Variants in MTPN observed in about 807,000 individuals in gnomAD.
MTPN encodes the protein myotrophin, also known as granule cell differentiation protein.
MTPN carries 2 observed loss-of-function variants against 13.5 expected under a neutral mutation model. That is an observed-to-expected ratio of 0.15 (90% confidence interval 0.06 to 0.47). The LOEUF (loss-of-function observed/expected upper bound fraction) is 0.47, where lower values mean the gene tolerates loss of function less well. Among genes scored for constraint, MTPN ranks in the 20% least tolerant of loss-of-function variants. The probability of loss-of-function intolerance (pLI) is 0.97; values close to 1 mark genes in which losing one functional copy is unlikely to be tolerated. For synonymous variants in MTPN, 46 were observed against 51.7 expected (o/e 0.89, Z 0.48); for missense variants, 79 against 137.9 (o/e 0.57, Z 2.14).
intron 3 of MTPN, among the ~76,000 whole-genome samples, chr7:135,942,225 T>C (rs1376744313): frequency 6.6e-6 from 1 of 152,048 alleles, no homozygotes; most frequent in Non-Finnish European, 1.5e-5. Context: ...CATCCTAAGT[T>C]TCAGACAAAA....
intron 1 of MTPN, among the ~76,000 whole-genome samples, chr7:135,961,630 G>C (rs368938982): frequency 6.6e-6 from 1 of 151,822 alleles, no homozygotes; most frequent in African/African-American, 2.4e-5. Flanking sequence ...TGGGATTACA[G>C]GTTCAATGTG....
intron 1 of MTPN, among the ~76,000 whole-genome samples, chr7:135,970,835 A>G (rs974506493): frequency 6.6e-6 from 1 of 152,148 alleles, no homozygotes; most frequent in Non-Finnish European, 1.5e-5. Flanking sequence ...TACTGAGGGC[A>G]CCTGTATCTT....
intron 1 of MTPN, among the ~76,000 whole-genome samples, chr7:135,968,935 G>A (rs1344104556): frequency 6.6e-6 from 1 of 151,754 alleles, no homozygotes; most frequent in Non-Finnish European, 1.5e-5. Context: ...GATAGAAAAA[G>A]AGCAAGAAAT....
intron 1 of MTPN, among the ~76,000 whole-genome samples, chr7:135,959,747 T>C (rs1799494765): frequency 6.6e-6 from 1 of 152,080 alleles, no homozygotes; most frequent in African/African-American, 2.4e-5. Context: ...TTATTTGCTT[T>C]TTTAACAGTA....
At chr7:135,957,102 T>C (rs1322073237) in intron 1 of MTPN, among the ~76,000 whole-genome samples, 1 of 152,224 alleles carries the variant, frequency 6.6e-6, no homozygotes, top group Non-Finnish European at 1.5e-5. Context: ...CTAGATTGTA[T>C]TATATTAAAA....
chr7:135,974,835 GAAACTGT>G (rs1346054691), intron 1 of MTPN, among the ~76,000 whole-genome samples: 28 of 152,310 alleles, frequency 1.8e-4, no homozygotes, highest in African/African-American at 6.7e-4. Context: ...TGGGGCAGAA[GAAACTGT>G]AATAAGGACC....
At chr7:135,942,476 A>C (rs746334858) in intron 3 of MTPN, among the ~76,000 whole-genome samples, 21 of 152,186 alleles carry the variant, frequency 1.4e-4, no homozygotes, top group Non-Finnish European at 2.9e-5. Context: ...CAGGCTCTAG[A>C]GCAAAATTGA....
intron 3 of MTPN, among the ~76,000 whole-genome samples, chr7:135,933,356 A>G (rs1799057169): frequency 6.6e-6 from 1 of 152,052 alleles, no homozygotes; most frequent in South Asian, 2.1e-4. Context: ...TATACTTAAA[A>G]TATTTTGTTC....
intron 3 of MTPN, among the ~76,000 whole-genome samples, chr7:135,931,196 G>C (rs903717136): frequency 1.3e-5 from 2 of 152,048 alleles, no homozygotes; most frequent in Non-Finnish European, 2.9e-5. Context: ...ACTGTGTAAA[G>C]GACTGGAGAA....
At position 135,950,639 on chromosome 7, in the gene MTPN, T is replaced by C; in HGVS notation, c.230A>G (p.Tyr77Cys). Residue 77 changes from tyrosine (Y) to cysteine (C), a missense_variant, in exon 3 of 4, where the codon TAT (tyrosine) becomes TGT (cysteine). Physicochemically the swap from Tyr to Cys is radical, Grantham distance 194. Coordinates refer to ENST00000393085, the MANE Select transcript of MTPN (RefSeq NM_145808.4). The part of the protein sequence containing the change: ...HHITPLLSAV[Y>C]EGHVSCVKLL... ...TTTCACACAGGAAACATGACCCTCA[T>C]AGACAGCAGACAGAAGAGGAGTAAT... 1.9e-6 allele frequency: 3 copies of C among 1,613,400 alleles called. No individual in the cohort carries two copies. The highest frequency in any genetic ancestry group is 2.5e-6 in the Non-Finnish European group (3 of 1,179,470).
intron 1 of MTPN, among the ~76,000 whole-genome samples, chr7:135,965,345 AAGT>A (rs1799589211): frequency 6.6e-6 from 1 of 152,128 alleles, no homozygotes; most frequent in African/African-American, 2.4e-5. Context: ...CAAGGTTAGT[AAGT>A]AGACAGGGCT....
chr7:135,972,231 G>GCACACACACACACACACACA (rs67168370), intron 1 of MTPN, among the ~76,000 whole-genome samples: 1 of 124,698 alleles, frequency 8.0e-6, no homozygotes, highest in South Asian at 2.5e-4. Flanking sequence ...GCACGCGCGC[G>GCACACACACACACACACACA]CACACACACA....
Position 135,927,030 on chromosome 7 carries a change from A to C in MTPN, c.*2896T>G. 3.4e-6 allele frequency: 1 copy of C among 290,584 alleles called. No individual in the cohort carries two copies. Among genetic ancestry groups the C allele is most frequent in the Non-Finnish European group, 6.3e-6 (1 of 158,070 alleles). The allele number at this position is 290,584 out of a possible 1,614,324, so 18.0% of individuals were successfully genotyped here. A position where few individuals can be genotyped will look rare whatever the true frequency, so the allele number is the denominator to read the frequency against. On this transcript the variant is annotated 3_prime_UTR_variant, in exon 4 of 4. Transcript: ENST00000393085. ...ATTTTTTATATTTTGCATGCAAAAC[A>C]CTGCAATTGCTTATTTATGTAGGAG...
intron 1 of MTPN, among the ~76,000 whole-genome samples, chr7:135,952,932 C>T (rs750981535): frequency 4.6e-5 from 7 of 152,174 alleles, no homozygotes; most frequent in Non-Finnish European, 7.4e-5. Flanking sequence ...ACACTCCAGC[C>T]TGGGTGACAG....
chr7:135,933,049 C>T (rs778918508), intron 3 of MTPN, among the ~76,000 whole-genome samples: 3 of 134,534 alleles, frequency 2.2e-5, no homozygotes, highest in Non-Finnish European at 3.0e-5. Flanking sequence ...GAGATGAGAT[C>T]GTGATGCTGC....
intron 1 of MTPN, among the ~76,000 whole-genome samples, chr7:135,963,564 G>A (rs976381415): frequency 6.6e-6 from 1 of 151,794 alleles, no homozygotes; most frequent in African/African-American, 2.4e-5. Flanking sequence ...AAAGAAAGAA[G>A]GTCTGTAAGG....
rs1798938131 is a variant in MTPN at position 135,927,452 on chromosome 7, C to T, written c.*2474G>A. ...TGCATATGAAATGACTGATTTAATA[C>T]AAAACTACAGAACATGCAAAATTTT... On this transcript the variant is annotated 3_prime_UTR_variant, in exon 4 of 4. Transcript: ENST00000393085. 2 of 1,528,884 alleles carry T rather than the reference C, an allele frequency of 1.3e-6. No individual in the cohort carries two copies. Among genetic ancestry groups the T allele is most frequent in the Non-Finnish European group, 1.8e-6 (2 of 1,136,510 alleles). 94.7% of individuals were successfully genotyped at this position (1,528,884 alleles called of 1,614,324 possible). A position where few individuals can be genotyped will look rare whatever the true frequency, so the allele number is the denominator to read the frequency against.
intron 1 of MTPN, among the ~76,000 whole-genome samples, chr7:135,969,667 T>A (rs1256989580): frequency 5.3e-5 from 8 of 151,874 alleles, no homozygotes; most frequent in Non-Finnish European, 1.0e-4. Context: ...GTAAACAGGA[T>A]ACAAAATCCA....
chr7:135,942,244 C>A (rs1245937452), intron 3 of MTPN, among the ~76,000 whole-genome samples: 1 of 152,094 alleles, frequency 6.6e-6, no homozygotes, highest in East Asian at 1.9e-4. Flanking sequence ...AAAAGTATGT[C>A]CACACTTGAA....
Sources: allele counts gnomAD v4.1 joint callset (sites outside exome capture counted in the v4.1 genomes callset), GRCh38; gene constraint gnomAD v4.1.1; transcripts MANE v1.5; gene names NCBI Gene and HGNC (gene_info 2026-07-23, HGNC 2026-07-21).